Variants in RELCH observed in about 807,000 individuals in gnomAD.
RELCH encodes RAB11-binding protein RELCH.
In RELCH, 41 loss-of-function variants were observed where a neutral mutation model predicts 150.3. The ratio of observed to expected loss-of-function variants is 0.27; its 90% CI spans 0.21 to 0.35. The LOEUF (loss-of-function observed/expected upper bound fraction) is 0.35, where lower values mean the gene tolerates loss of function less well. Ranked by LOEUF, RELCH falls within the 10% of genes least tolerant of loss-of-function variation. RELCH has a pLI of 1.00. For missense variants in RELCH, 1,092 were observed against 1,467.8 expected, an observed-to-expected ratio of 0.74 and a Z score of 4.18; for synonymous variants, 478 against 531.8, an observed-to-expected ratio of 0.90 and a Z score of 1.39.
At chr18:62,237,642 T>G (rs1300213542) in intron 10 of RELCH, among the ~76,000 whole-genome samples, 1 of 151,810 alleles carries the variant, frequency 6.6e-6, no homozygotes, top group Middle Eastern at 3.2e-3. Flanking sequence ...TGTGCCAGTA[T>G]GTACTTACAT....
At chr18:62,190,697 A>T (rs966303821) in intron 1 of RELCH, among the ~76,000 whole-genome samples, 6 of 152,218 alleles carry the variant, frequency 3.9e-5, no homozygotes, top group Admixed American at 3.3e-4. Flanking sequence ...CTTAGAACAG[A>T]ATTTCTCAAC....
At position 62,248,183 on chromosome 18, in the gene RELCH, G is replaced by A. The variant is rs73458568; in HGVS notation, c.1733+3307G>A. The stretch of plus-strand genomic sequence containing the variant: ...ATGTATAAAGCTCCTGTATATACAT[G>A]TTTATAAAAATGCATGTATAAAGTT... On this transcript the variant is annotated intron_variant, in intron 11 of 28. Coordinates refer to ENST00000644646, the MANE Select transcript of RELCH (RefSeq NM_001346231.2). 9.0e-3 allele frequency among the ~76,000 whole-genome samples: 1,376 copies of A among 152,218 alleles called. 19 individuals are homozygous for A. Among genetic ancestry groups the A allele is most frequent in the East Asian group, 0.052 (268 of 5,182 alleles).
intron 11 of RELCH, among the ~76,000 whole-genome samples, chr18:62,251,731 A>G (rs541340611): frequency 6.6e-6 from 1 of 152,354 alleles, no homozygotes; most frequent in South Asian, 2.1e-4. Flanking sequence ...TTTTAATTAT[A>G]GAAACACTGG....
intron 9 of RELCH, among the ~76,000 whole-genome samples, chr18:62,231,484 C>T (rs555112073): frequency 2.2e-4 from 33 of 151,976 alleles, no homozygotes; most frequent in African/African-American, 5.1e-4. Context: ...ATTTTATTAA[C>T]GTTAAAGTGA....
intron 1 of RELCH, among the ~76,000 whole-genome samples, chr18:62,207,546 G>A (rs537379420): frequency 1.3e-5 from 2 of 152,278 alleles, no homozygotes; most frequent in East Asian, 3.9e-4. Context: ...AGATAACTCT[G>A]TAGCCTTTTA....
At chr18:62,300,231 G>A (rs529026151) in intron 28 of RELCH, 3 of 152,110 alleles carry the variant, frequency 2.0e-5, no homozygotes, top group South Asian at 4.1e-4. Flanking sequence ...TGTATATTTG[G>A]TAGCTGGGTC....
intron 21 of RELCH, 38 bp downstream of exon 21, chr18:62,274,124 T>G (rs745807741): frequency 1.5e-6 from 2 of 1,317,384 alleles, no homozygotes; most frequent in East Asian, 4.6e-5. Flanking sequence ...AAAAGGCATA[T>G]AAAGTTTTTA....
At chr18:62,281,546 G>A (rs1777411902) in intron 24 of RELCH, among the ~76,000 whole-genome samples, 3 of 152,068 alleles carry the variant, frequency 2.0e-5, no homozygotes, top group Admixed American at 2.0e-4. Flanking sequence ...GATTCTATTT[G>A]CAACACTAAC....
chr18:62,232,300 T>C (rs746824000), intron 9 of RELCH, 32 bp from the exon 10 acceptor site: 2 of 1,393,466 alleles, frequency 1.4e-6, no homozygotes, highest in Admixed American at 3.4e-5. Flanking sequence ...AGTTCTCCAC[T>C]ATCATTGTTT....
intron 27 of RELCH, among the ~76,000 whole-genome samples, chr18:62,295,572 G>A (rs998268974): frequency 1.3e-5 from 2 of 151,830 alleles, no homozygotes; most frequent in African/African-American, 2.4e-5. Context: ...ATGAATTTAA[G>A]GGTTTTGGCT....
At chr18:62,299,950 T>C (rs2045592046) in intron 28 of RELCH, 1 of 152,190 alleles carries the variant, frequency 6.6e-6, no homozygotes, top group South Asian at 2.1e-4. Flanking sequence ...TTGTTCAAAT[T>C]TCTCCTTGTT....
intron 8 of RELCH, 107 bp from the exon 9 acceptor site, chr18:62,231,087 G>T (rs2041537886): frequency 1.4e-6 from 1 of 719,486 alleles, no homozygotes; most frequent in Non-Finnish European, 2.3e-6. Context: ...AGCTTTGTGG[G>T]GTAGGATTAA....
At chr18:62,207,240 G>T (rs922454182) in intron 1 of RELCH, among the ~76,000 whole-genome samples, 2 of 152,092 alleles carry the variant, frequency 1.3e-5, no homozygotes, top group African/African-American at 4.8e-5. Flanking sequence ...TATATAGATG[G>T]AAATCATACA....
Position 62,298,928 on chromosome 18 carries a change from A to G in RELCH, c.3530+68A>G, listed in dbSNP as rs372435527. 41 of 838,552 alleles carry G rather than the reference A, an allele frequency of 4.9e-5. 2 individuals are homozygous for G. In the African/African-American group the frequency reaches 5.6e-4, roughly 12 times the overall value. The allele number at this position is 838,552 out of a possible 1,614,324, so 51.9% of individuals were successfully genotyped here. ...ATTTTTCTATCTAAATTTGCTGTCA[A>G]TCAGTGTAATGTGTCATTTTGTGTT... is the stretch of plus-strand genomic sequence containing the variant. On this transcript the variant is annotated intron_variant, in intron 28 of 28. Transcript: ENST00000644646.
intron 13 of RELCH, 96 bp downstream of exon 13, chr18:62,255,574 A>G (rs758598568): frequency 3.6e-6 from 3 of 837,024 alleles, no homozygotes; most frequent in Non-Finnish European, 5.7e-6. Flanking sequence ...AATGTCTCCT[A>G]GATGTGCTGT....
intron 11 of RELCH, chr18:62,246,730 G>A (rs1346981601): frequency 6.6e-6 from 1 of 152,128 alleles, no homozygotes; most frequent in African/African-American, 2.4e-5. Flanking sequence ...TTTTATCTAA[G>A]GCAGTCAGTT....
intron 5 of RELCH, 94 bp from the exon 6 acceptor site, chr18:62,227,195 T>TAA (rs35190394): frequency 3.3e-5 from 24 of 733,638 alleles, no homozygotes; most frequent in Non-Finnish European, 3.6e-5. Flanking sequence ...AAACCGATCT[T>TAA]AAAAAAAAAA....
chr18:62,300,405 C>T (rs1568453784), intron 28 of RELCH: 1 of 152,136 alleles, frequency 6.6e-6, no homozygotes, highest in Non-Finnish European at 1.5e-5. Flanking sequence ...CCTTCCTTGA[C>T]CCCACCCTTC....
chr18:62,211,617 T>A (rs1158429366), intron 2 of RELCH, among the ~76,000 whole-genome samples: 2 of 152,068 alleles, frequency 1.3e-5, no homozygotes, highest in African/African-American at 4.8e-5. Context: ...CTCTATTGAT[T>A]GTTAAAAATT....
Sources: allele counts gnomAD v4.1 joint callset (sites outside exome capture counted in the v4.1 genomes callset), GRCh38; gene constraint gnomAD v4.1.1; transcripts MANE v1.5; gene names NCBI Gene and HGNC (gene_info 2026-07-23, HGNC 2026-07-21).